The following FBXL5 variants were observed in gnomAD, a reference collection of about 807,000 sequenced individuals.
FBXL5 encodes the protein F-box/LRR-repeat protein 5.
A neutral mutation model predicts 78.3 loss-of-function variants in FBXL5; 26 were observed. That is an observed-to-expected ratio of 0.33 (90% CI 0.24 to 0.46). FBXL5 has a LOEUF of 0.46. Among genes scored for constraint, FBXL5 ranks in the 20% least tolerant of loss-of-function variants. FBXL5 has a pLI of 1.00. For synonymous variants in FBXL5, 295 were observed against 282.5 expected (o/e 1.04, Z -0.45); for missense variants, 710 against 829.2 (o/e 0.86, Z 1.77).
upstream of FBXL5, among the ~76,000 whole-genome samples, chr4:15,663,808 T>A (rs1239646670): frequency 6.6e-6 from 1 of 152,208 alleles, no homozygotes; most frequent in Non-Finnish European, 1.5e-5. Flanking sequence ...AACTCACCAT[T>A]TTCTGTCCTC....
Position 15,673,550 on chromosome 4 carries a change from A to C in FBXL5, c.-284+7833T>G, listed in dbSNP as rs550704247. On this transcript the variant is annotated intron_variant, in intron 1 of 4. Coordinates refer to the FBXL5 transcript ENST00000507899. The stretch of plus-strand genomic sequence containing the variant: ...GAGATCTATGACATCACTAGGTGGT[A>C]GGAATTTTCCAGCTCCATTATAATC... 1.2e-4 allele frequency among the ~76,000 whole-genome samples: 18 copies of C among 152,352 alleles called. No homozygotes were observed. In the South Asian group the frequency reaches 1.5e-3, roughly 12 times the overall value.
intron 5 of FBXL5, among the ~76,000 whole-genome samples, chr4:15,631,273 T>A (rs1324505221): frequency 6.6e-6 from 1 of 152,264 alleles, no homozygotes; most frequent in African/African-American, 2.4e-5. Context: ...CTGCATAGTA[T>A]TACATGGTGT....
In FBXL5 at chr4:15,644,600, T is replaced by C. The variant is rs372724549; in HGVS notation, c.193A>G (p.Ile65Val). ...CTGCGTTGTTGAAGCAAACCAATAATGTATTCATTTTCAATCTGCTCATGC... is the reference window on the plus strand; with the variant it reads ...CTGCGTTGTTGAAGCAAACCAATAACGTATTCATTTTCAATCTGCTCATGC... ...KMHEQIENEYIIGLLQQRSQT... is the reference protein window; with the variant it reads ...KMHEQIENEYVIGLLQQRSQT... The change falls in exon 2 of 11, where the codon ATT (isoleucine) becomes GTT (valine). Residue 65 changes from isoleucine to valine, a missense_variant. Physicochemically the swap from Ile to Val is conservative, Grantham distance 29. Around this residue, in one of 4 missense-constraint regions of FBXL5, gnomAD observed 132 missense variants for 156.9 expected, o/e 0.84. Coordinates refer to ENST00000341285, the MANE Select transcript of FBXL5 (RefSeq NM_012161.4). The C allele has an allele frequency of 3.7e-6, 6 of 1,614,118 alleles. No individual in the cohort carries two copies. Among genetic ancestry groups the C allele is most frequent in the Non-Finnish European group, 5.1e-6 (6 of 1,179,988 alleles).
intron 3 of FBXL5, 38 bp from the exon 4 acceptor site, chr4:15,638,732 A>T: frequency 7.8e-7 from 1 of 1,277,856 alleles, no homozygotes; most frequent in Non-Finnish European, 1.1e-6. Context: ...AAGATGCTTC[A>T]TTCGTGTTGA....
intron 9 of FBXL5, among the ~76,000 whole-genome samples, chr4:15,621,912 T>C (rs1433018522): frequency 1.3e-5 from 2 of 152,180 alleles, no homozygotes; most frequent in African/African-American, 4.8e-5. Context: ...CACTGCAACC[T>C]CTACCTCCAG....
At chr4:15,627,753 G>T in intron 7 of FBXL5, 132 bp downstream of exon 7, 1 of 709,664 alleles carries the variant, frequency 1.4e-6, no homozygotes, top group Non-Finnish European at 2.3e-6. Context: ...AGCAGTGTAT[G>T]CCTACCCATA....
At chr4:15,644,969 A>C (rs1195094207) in intron 1 of FBXL5, among the ~76,000 whole-genome samples, 1 of 152,202 alleles carries the variant, frequency 6.6e-6, no homozygotes, top group Non-Finnish European at 1.5e-5. Flanking sequence ...CGGTTTCTTT[A>C]AAGAGAAGAG....
rs781284522 is a variant in FBXL5, at chr4:15,638,529, C to T, written c.562G>A (p.Val188Met). 12 of 1,593,982 alleles carry T rather than the reference C, an allele frequency of 7.5e-6. No homozygotes were observed. The highest frequency in any genetic ancestry group is 9.4e-6 in the Non-Finnish European group (11 of 1,174,834). ...EERQKFFKYSVDEKSDKEAEV... is the reference protein window; with the variant it reads ...EERQKFFKYSMDEKSDKEAEV... ...TCACCTTTATCTGACTTTTCATCCACGGAATATTTAAAAAACTTCTGTCGC... is the reference window on the plus strand; with the variant it reads ...TCACCTTTATCTGACTTTTCATCCATGGAATATTTAAAAAACTTCTGTCGC... Residue 188 changes from valine to methionine, a missense_variant, in exon 4 of 11, where the codon GTG (valine) becomes ATG (methionine). Coordinates refer to ENST00000341285, the MANE Select transcript of FBXL5 (RefSeq NM_012161.4).
intron 5 of FBXL5, 107 bp from the exon 6 acceptor site, chr4:15,630,898 T>C: frequency 7.1e-7 from 1 of 1,406,976 alleles, no homozygotes; most frequent in Middle Eastern, 1.8e-4. Context: ...AGAAAACATC[T>C]GAGCCCTAGG....
chr4:15,608,486 TA>T (rs1346342802), intron 10 of FBXL5, among the ~76,000 whole-genome samples: 1 of 151,488 alleles, frequency 6.6e-6, no homozygotes, highest in Non-Finnish European at 1.5e-5. Flanking sequence ...CTGTATTAGG[TA>T]AAAAGCACAA....
intron 1 of FBXL5, among the ~76,000 whole-genome samples, chr4:15,652,619 A>T (rs1257244920): frequency 6.6e-6 from 1 of 152,216 alleles, no homozygotes; most frequent in Admixed American, 6.5e-5. Flanking sequence ...ATTCACCTTT[A>T]TACCTAAAAA....
chr4:15,653,820 G>A (rs1716451685), intron 1 of FBXL5, among the ~76,000 whole-genome samples: 1 of 152,186 alleles, frequency 6.6e-6, no homozygotes, highest in African/African-American at 2.4e-5. Flanking sequence ...ACCCTCAGCT[G>A]CATACTGCAC....
intron 1 of FBXL5, among the ~76,000 whole-genome samples, chr4:15,654,700 A>T (rs967383844): frequency 6.6e-6 from 1 of 152,234 alleles, no homozygotes; most frequent in Admixed American, 6.5e-5. Context: ...AGTTCCAGCC[A>T]GGAAGCCAGC....
intron 6 of FBXL5, among the ~76,000 whole-genome samples, chr4:15,628,777 ACACACACACACG>A (rs965127993): frequency 7.1e-5 from 5 of 70,556 alleles, no homozygotes; most frequent in African/African-American, 2.4e-4. Flanking sequence ...ACACAGACAC[ACACACACACACG>A]CACACACACA....
At chr4:15,641,115 T>C (rs1179596720) in intron 2 of FBXL5, among the ~76,000 whole-genome samples, 2 of 152,148 alleles carry the variant, frequency 1.3e-5, no homozygotes, top group Non-Finnish European at 2.9e-5. Context: ...AGTCTAAAAA[T>C]AGCACGTATC....
chr4:15,679,791 A>C (rs34473224), intron 1 of FBXL5, among the ~76,000 whole-genome samples: 36,657 of 151,456 alleles, frequency 0.24, 4,683 homozygotes, highest in African/African-American at 0.28. Flanking sequence ...AGTATGTCTC[A>C]TTCTCTTCTC....
At chr4:15,653,861 G>A (rs2148724299) in intron 1 of FBXL5, among the ~76,000 whole-genome samples, 1 of 152,298 alleles carries the variant, frequency 6.6e-6, no homozygotes, top group East Asian at 1.9e-4. Flanking sequence ...ATTTATACCT[G>A]ATGTCTGGGT....
chr4:15,641,643 T>G, intron 2 of FBXL5: 1 of 455,390 alleles, frequency 2.2e-6, no homozygotes, highest in Non-Finnish European at 4.4e-6. Context: ...AGTAAAGTTT[T>G]GAGAGATTCA....
At chr4:15,656,361 A>AG (rs759143611), upstream of FBXL5, 5 of 447,300 alleles carry the variant, frequency 1.1e-5, no homozygotes, top group African/African-American at 2.0e-5. Context: ...ATAGAGAAAT[A>AG]GGAGAAAACA....
Sources: allele counts gnomAD v4.1 joint callset (sites outside exome capture counted in the v4.1 genomes callset), GRCh38; gene constraint gnomAD v4.1.1; regional missense constraint gnomAD v4.1.1; transcripts MANE v1.5; gene names NCBI Gene and HGNC (gene_info 2026-07-23, HGNC 2026-07-21).